Variants in DNM3 observed in about 807,000 individuals in gnomAD.
DNM3 encodes the protein dynamin 3, also known as dynamin-3.
DNM3 carries 47 observed loss-of-function variants against 101.6 expected under a neutral mutation model. The ratio of observed to expected loss-of-function variants is 0.46; its 90% confidence interval spans 0.37 to 0.59. The LOEUF is 0.59. Ranked by LOEUF, DNM3 falls within the 20% of genes least tolerant of loss-of-function variation. The probability of loss-of-function intolerance (pLI) is 0.00; values close to 1 mark genes in which losing one functional copy is unlikely to be tolerated. For missense variants in DNM3, 849 were observed against 1,085.7 expected (o/e 0.78, Z 3.06); for synonymous variants, 385 against 387.9 (o/e 0.99, Z 0.09).
In DNM3 at chr1:172,408,072, G is replaced by T; in HGVS notation, c.*231G>T. The T allele has an allele frequency of 7.4e-7, 1 of 1,358,948 alleles. No homozygotes were observed. Among genetic ancestry groups the T allele is most frequent in the Non-Finnish European group, 9.5e-7 (1 of 1,053,034 alleles). 84.2% of individuals were successfully genotyped at this position (1,358,948 alleles called of 1,614,324 possible). ...AGGCTTTATATGTTGTACTGACCAAGGTAGGTTTGTATAGCAGCCCTATAC... is the reference window on the plus strand; with the variant it reads ...AGGCTTTATATGTTGTACTGACCAATGTAGGTTTGTATAGCAGCCCTATAC... On this transcript the variant is annotated 3_prime_UTR_variant, in exon 21 of 21. Coordinates refer to ENST00000627582, the MANE Select transcript of DNM3 (RefSeq NM_015569.5).
chr1:172,068,148 T>C (rs939335901), intron 10 of DNM3, among the ~76,000 whole-genome samples: 5 of 152,094 alleles, frequency 3.3e-5, no homozygotes, highest in African/African-American at 4.8e-5. Flanking sequence ...GCCAACATGG[T>C]GAAACCCTGT....
intron 13 of DNM3, among the ~76,000 whole-genome samples, chr1:172,113,390 CAAAG>C (rs111657287): frequency 0.021 from 3,164 of 152,026 alleles, 99 homozygotes; most frequent in African/African-American, 0.071. Context: ...CAGATGTACT[CAAAG>C]AAACTCAGGA....
chr1:172,290,289 G>A (rs1378163307), intron 15 of DNM3, among the ~76,000 whole-genome samples: 1 of 152,182 alleles, frequency 6.6e-6, no homozygotes, highest in East Asian at 1.9e-4. Context: ...AAGAATGGGT[G>A]AAGGGTGGCA....
chr1:171,972,473 T>TTTGA (rs1382582523), intron 2 of DNM3, among the ~76,000 whole-genome samples: 3 of 152,330 alleles, frequency 2.0e-5, no homozygotes, highest in Non-Finnish European at 4.4e-5. Flanking sequence ...GTTAGGTTGT[T>TTTGA]TTGATAGGCA....
intron 2 of DNM3, among the ~76,000 whole-genome samples, chr1:171,977,457 G>C: frequency 6.6e-6 from 1 of 152,020 alleles, no homozygotes; most frequent in African/African-American, 2.4e-5. Context: ...CACAAGGGGA[G>C]AAAAAAAGCA....
intron 1 of DNM3, among the ~76,000 whole-genome samples, chr1:171,852,151 G>T (rs1371839083): frequency 6.6e-6 from 1 of 152,138 alleles, no homozygotes; most frequent in Non-Finnish European, 1.5e-5. Context: ...TACAAATTCA[G>T]ACATTCCAAA....
rs1328748153 is a variant in DNM3 at position 172,352,863 on chromosome 1, A to T, written c.1894-26155A>T. ...GTGATCCAGATCCTTTGGAGGACTT[A>T]AGTAAATAAAAATTAAGAGCAAAAC... On this transcript the variant is annotated intron_variant, in intron 17 of 20. Transcript: ENST00000627582. Among the ~76,000 whole-genome samples the T allele has an allele frequency of 2.6e-5, 4 of 152,178 alleles. No homozygotes were observed. The East Asian group carries it at 7.7e-4, about 29-fold the overall frequency.
At chr1:172,391,479 AC>A (rs2069526312) in intron 20 of DNM3, among the ~76,000 whole-genome samples, 1 of 152,324 alleles carries the variant, frequency 6.6e-6, no homozygotes, top group Middle Eastern at 3.4e-3. Context: ...CCTACCAAAT[AC>A]AAGCCAGAAA....
intron 17 of DNM3, among the ~76,000 whole-genome samples, chr1:172,374,858 C>G (rs2068520588): frequency 6.6e-6 from 1 of 151,972 alleles, no homozygotes; most frequent in Non-Finnish European, 1.5e-5. Flanking sequence ...TTGTTTCATA[C>G]CTTTGTCCAT....
rs1327226127 is a variant in DNM3, at chr1:171,994,489, AC to A, written c.589+5342del. Among the ~76,000 whole-genome samples the A allele has an allele frequency of 1.3e-5, 2 of 151,200 alleles. 1 individual carries two copies. Among genetic ancestry groups the A allele is most frequent in the Admixed American group, 1.3e-4 (2 of 15,210 alleles). On this transcript the variant is annotated intron_variant, in intron 4 of 20. Transcript: ENST00000627582. ...GCTTCAATGCTCAGGCAGACAGTTT[AC>A]AACTCTGCCTTAATCCTAACTTCCT...
At chr1:172,024,180 T>C (rs1327261848) in intron 4 of DNM3, among the ~76,000 whole-genome samples, 1 of 151,470 alleles carries the variant, frequency 6.6e-6, no homozygotes, top group Non-Finnish European at 1.5e-5. Flanking sequence ...TTTTCTTTTC[T>C]TTTTAAATTT....
intron 4 of DNM3, among the ~76,000 whole-genome samples, chr1:172,029,812 A>C (rs1330491651): frequency 6.6e-6 from 1 of 152,174 alleles, no homozygotes; most frequent in East Asian, 1.9e-4. Context: ...CATGATTGCT[A>C]CAAAGAGAAT....
At chr1:172,089,916 C>G (rs2053791789) in intron 12 of DNM3, among the ~76,000 whole-genome samples, 1 of 152,184 alleles carries the variant, frequency 6.6e-6, no homozygotes, top group Non-Finnish European at 1.5e-5. Flanking sequence ...CTCTCTGTCT[C>G]TGTTTCTGTC....
intron 13 of DNM3, among the ~76,000 whole-genome samples, chr1:172,112,691 G>A (rs1284202935): frequency 6.6e-6 from 1 of 152,146 alleles, no homozygotes; most frequent in Non-Finnish European, 1.5e-5. Flanking sequence ...GAATTTAATA[G>A]CATAGGCCTG....
chr1:171,937,988 T>C (rs972871958), intron 2 of DNM3, among the ~76,000 whole-genome samples: 1 of 152,144 alleles, frequency 6.6e-6, no homozygotes, highest in Non-Finnish European at 1.5e-5. Context: ...CTCTCACTAT[T>C]GTTTTCTTTC....
chr1:172,093,604 T>C (rs2054058347), intron 13 of DNM3: 2 of 1,136,356 alleles, frequency 1.8e-6, no homozygotes, highest in East Asian at 5.0e-5. Flanking sequence ...TAGATTTTTT[T>C]CCCATTGTTT....
chr1:172,077,623 T>C (rs1230961561), intron 11 of DNM3, among the ~76,000 whole-genome samples: 3 of 152,182 alleles, frequency 2.0e-5, no homozygotes, highest in African/African-American at 7.2e-5. Context: ...TTGTGCGCTT[T>C]TGAGTTTCTT....
rs141155662 is a variant in DNM3, at chr1:172,031,222, T to C, written c.590-1180T>C. On this transcript the variant is annotated intron_variant, in intron 4 of 20. Transcript: ENST00000627582. ...CACACCATGGAATACTATGTAGCCA[T>C]AAAAAGGAATGAGTTCGTGTCCTTT... Among the ~76,000 whole-genome samples the C allele has an allele frequency of 2.5e-3, 377 of 152,152 alleles. 1 individual carries two copies. Among genetic ancestry groups the C allele is most frequent in the Non-Finnish European group, 4.4e-3 (299 of 67,998 alleles).
At chr1:171,947,115 G>A (rs1167590503) in intron 2 of DNM3, among the ~76,000 whole-genome samples, 2 of 152,232 alleles carry the variant, frequency 1.3e-5, no homozygotes, top group African/African-American at 4.8e-5. Flanking sequence ...TTCAATTGGT[G>A]CAGTGGTGGG....
Sources: gnomAD v4.1 joint callset for allele counts (sites outside exome capture counted in the v4.1 genomes callset) on GRCh38, gnomAD v4.1.1 for gene constraint, MANE v1.5 for transcripts, NCBI Gene and HGNC (gene_info 2026-07-23, HGNC 2026-07-21) for gene names.